GRIN3A: variants seen among roughly 807,000 people sequenced by gnomAD.
The protein encoded by GRIN3A is glutamate ionotropic receptor NMDA type subunit 3A.
Under a neutral mutation model 92.4 loss-of-function variants are expected in GRIN3A, and 47 were observed. The ratio of observed to expected loss-of-function variants is 0.51; its 90% CI spans 0.40 to 0.65. The LOEUF is 0.65. Among genes scored for constraint, GRIN3A ranks in the 30% least tolerant of loss-of-function variants. The pLI is 0.00. For missense variants in GRIN3A, 1,324 were observed against 1,393.1 expected, an observed-to-expected ratio of 0.95 and a Z score of 0.79; for synonymous variants, 527 against 540.6, an observed-to-expected ratio of 0.97 and a Z score of 0.35.
intron 1 of GRIN3A, among the ~76,000 whole-genome samples, chr9:101,724,804 G>C (rs1830065422): frequency 6.6e-6 from 1 of 152,232 alleles, no homozygotes; most frequent in Admixed American, 6.5e-5. Flanking sequence ...GGCCTCCCCA[G>C]CCATGTAGAA....
At chr9:101,712,911 T>C (rs1829897481) in intron 1 of GRIN3A, among the ~76,000 whole-genome samples, 3 of 152,354 alleles carry the variant, frequency 2.0e-5, no homozygotes, top group African/African-American at 2.4e-5. Context: ...TTCTATCTTA[T>C]GGGATGAGAA....
intron 8 of GRIN3A, among the ~76,000 whole-genome samples, chr9:101,575,775 A>G (rs1403210581): frequency 2.0e-5 from 3 of 152,218 alleles, no homozygotes; most frequent in African/African-American, 7.2e-5. Flanking sequence ...TATACTTCCA[A>G]GAGAAGAGAG....
Position 101,595,251 on chromosome 9 carries a change from C to G in GRIN3A, c.2767-15891G>C, listed in dbSNP as rs558818066. Among the ~76,000 whole-genome samples the G allele has an allele frequency of 7.2e-5, 11 of 151,998 alleles. No individual in the cohort carries two copies. In the South Asian group the frequency reaches 1.7e-3, roughly 23 times the overall value. On this transcript the variant is annotated intron_variant, in intron 6 of 8. Coordinates refer to ENST00000361820, the MANE Select transcript of GRIN3A (RefSeq NM_133445.3). ...TGGGCTGCCCCTTCTCTTTTTCCTT[C>G]TCTCAAACTCCTTGTACCTTTCCAT... is the stretch of plus-strand genomic sequence containing the variant.
chr9:101,711,898 G>A (rs1271408523), intron 1 of GRIN3A, among the ~76,000 whole-genome samples: 1 of 152,084 alleles, frequency 6.6e-6, no homozygotes, highest in African/African-American at 2.4e-5. Context: ...ACTTTATTCC[G>A]TGCCCTCGGA....
At chr9:101,579,158 G>T in intron 7 of GRIN3A, 38 bp downstream of exon 7, 1 of 1,605,534 alleles carries the variant, frequency 6.2e-7, no homozygotes, top group East Asian at 2.2e-5. Context: ...GAATTGTACA[G>T]TTTAAGAATA....
intron 3 of GRIN3A, among the ~76,000 whole-genome samples, chr9:101,661,970 A>G (rs551761756): frequency 2.0e-5 from 3 of 151,860 alleles, no homozygotes; most frequent in Non-Finnish European, 4.4e-5. Context: ...AAATTTCTTT[A>G]TTAATTGTCG....
intron 3 of GRIN3A, among the ~76,000 whole-genome samples, chr9:101,652,101 T>C (rs1420485629): frequency 2.0e-5 from 3 of 152,038 alleles, no homozygotes; most frequent in African/African-American, 7.2e-5. Flanking sequence ...ACATACATTA[T>C]TTCATAATTG....
At chr9:101,675,801 A>G (rs1218359120) in intron 2 of GRIN3A, among the ~76,000 whole-genome samples, 2 of 151,970 alleles carry the variant, frequency 1.3e-5, no homozygotes, top group Admixed American at 6.6e-5. Context: ...TCTATGTGCT[A>G]ATCAAAATGG....
intron 6 of GRIN3A, among the ~76,000 whole-genome samples, chr9:101,599,701 C>T (rs946567194): frequency 6.6e-6 from 1 of 151,978 alleles, no homozygotes; most frequent in Non-Finnish European, 1.5e-5. Flanking sequence ...GAGTAGGTCA[C>T]ATGTAAAAAT....
intron 1 of GRIN3A, among the ~76,000 whole-genome samples, chr9:101,692,102 C>T (rs1180480208): frequency 6.6e-6 from 1 of 152,130 alleles, no homozygotes; most frequent in African/African-American, 2.4e-5. Context: ...TTTTTCTTTG[C>T]TTTTGCTCCT....
chr9:101,576,256 A>T (rs568262975), intron 8 of GRIN3A, among the ~76,000 whole-genome samples: 2 of 152,190 alleles, frequency 1.3e-5, no homozygotes, highest in African/African-American at 4.8e-5. Context: ...CTGAGGTTCA[A>T]TACTCCACTG....
At chr9:101,625,553 A>G (rs1828622409) in intron 4 of GRIN3A, among the ~76,000 whole-genome samples, 1 of 152,196 alleles carries the variant, frequency 6.6e-6, no homozygotes, top group South Asian at 2.1e-4. Context: ...TCTTCAAATA[A>G]GTGAAATAAC....
chr9:101,673,791 G>A (rs948728318), intron 2 of GRIN3A, among the ~76,000 whole-genome samples: 1 of 152,014 alleles, frequency 6.6e-6, no homozygotes, highest in Non-Finnish European at 1.5e-5. Context: ...CAACTCTAGA[G>A]TTACAGGGAT....
In GRIN3A at chr9:101,594,957, C is replaced by T. The variant is rs368482028; in HGVS notation, c.2767-15597G>A. 4.5e-5 allele frequency: 71 copies of T among 1,578,022 alleles called. No individual in the cohort carries two copies. The African/African-American group carries it at 8.9e-4, about 20-fold the overall frequency. ...TGGCAACGGCCACGGCTCAAAGGGT[C>T]GGAGAGGGGAGCAGGGGCGGTGAGC... On this transcript the variant is annotated intron_variant, in intron 6 of 8. Coordinates refer to ENST00000361820, the MANE Select transcript of GRIN3A (RefSeq NM_133445.3).
intron 1 of GRIN3A, among the ~76,000 whole-genome samples, chr9:101,710,046 A>G (rs1011691130): frequency 6.6e-6 from 1 of 152,176 alleles, no homozygotes; most frequent in Non-Finnish European, 1.5e-5. Flanking sequence ...ATCCTGTTTT[A>G]GAGAACTCCG....
intron 2 of GRIN3A, among the ~76,000 whole-genome samples, chr9:101,685,134 T>G (rs1829516041): frequency 6.6e-6 from 1 of 152,112 alleles, no homozygotes; most frequent in South Asian, 2.1e-4. Flanking sequence ...TTTGAAAAAT[T>G]TTATTAACAA....
chr9:101,690,776 A>T (rs1333219698), intron 1 of GRIN3A, among the ~76,000 whole-genome samples: 1 of 152,212 alleles, frequency 6.6e-6, no homozygotes, highest in Non-Finnish European at 1.5e-5. Flanking sequence ...AATAGGTACT[A>T]ATAGGTACTA....
chr9:101,701,460 A>G (rs994956763), intron 1 of GRIN3A, among the ~76,000 whole-genome samples: 28 of 152,094 alleles, frequency 1.8e-4, no homozygotes, highest in African/African-American at 6.5e-4. Context: ...AAGTGAGACC[A>G]TGCCTAGCCA....
chr9:101,713,081 C>T (rs1468872798), intron 1 of GRIN3A, among the ~76,000 whole-genome samples: 6 of 152,160 alleles, frequency 3.9e-5, no homozygotes, highest in African/African-American at 9.7e-5. Context: ...AGACTTCCAT[C>T]CCTTTCCTTC....
Sources: gnomAD v4.1 joint callset for allele counts (sites outside exome capture counted in the v4.1 genomes callset) on GRCh38, gnomAD v4.1.1 for gene constraint, MANE v1.5 for transcripts, NCBI Gene and HGNC (gene_info 2026-07-23, HGNC 2026-07-21) for gene names.